Variants in MAGI2 observed in about 807,000 individuals in gnomAD.
MAGI2 encodes membrane associated guanylate kinase, WW and PDZ domain containing 2.
In MAGI2, 35 loss-of-function variants were observed where a neutral mutation model predicts 133.3. The observed-to-expected ratio is 0.26, with a 90% CI of 0.20 to 0.35. MAGI2 has a LOEUF of 0.35. MAGI2 is among the 10% of genes least tolerant of loss of function. The pLI, the probability that MAGI2 is intolerant of heterozygous loss-of-function variation, is 1.00. For synonymous variants in MAGI2, 729 were observed against 710.6 expected (o/e 1.03, Z -0.41); for missense variants, 1,636 against 1,863.4 (o/e 0.88, Z 2.25).
intron 9 of MAGI2, among the ~76,000 whole-genome samples, chr7:78,292,628 C>T (rs1165725724): frequency 2.0e-5 from 3 of 152,190 alleles, no homozygotes; most frequent in Non-Finnish European, 2.9e-5. Flanking sequence ...ATTGCCAAGA[C>T]AATCCTAAGT....
intron 6 of MAGI2, chr7:78,486,785 T>C (rs1793059975): frequency 4.8e-6 from 2 of 419,246 alleles, no homozygotes; most frequent in South Asian, 3.8e-5. Context: ...AAGTTTGAAA[T>C]TCCTATCATG....
intron 2 of MAGI2, among the ~76,000 whole-genome samples, chr7:78,956,991 C>T (rs564194398): frequency 1.2e-4 from 18 of 151,998 alleles, no homozygotes; most frequent in South Asian, 8.3e-4. Flanking sequence ...GGGTCAGGCG[C>T]GGTAGCTCAC....
chr7:78,209,893 G>T (rs2150797133), intron 10 of MAGI2, among the ~76,000 whole-genome samples: 1 of 152,234 alleles, frequency 6.6e-6, no homozygotes, highest in Non-Finnish European at 1.5e-5. Flanking sequence ...TAAGCCAGGT[G>T]TTTTTAACCA....
At chr7:78,617,015 A>T (rs536541174) in intron 3 of MAGI2, 1 of 152,308 alleles carries the variant, frequency 6.6e-6, no homozygotes, top group African/African-American at 2.4e-5. Flanking sequence ...GGTCAATTAT[A>T]AGTGCAATAA....
At chr7:78,249,038 TA>T (rs200642694) in intron 10 of MAGI2, among the ~76,000 whole-genome samples, 26 of 149,906 alleles carry the variant, frequency 1.7e-4, no homozygotes, top group East Asian at 1.4e-3. Context: ...AAAAAAATAA[TA>T]AAAAAAAAGT....
At chr7:79,170,424 C>G (rs1465316833) in intron 1 of MAGI2, among the ~76,000 whole-genome samples, 1 of 151,914 alleles carries the variant, frequency 6.6e-6, no homozygotes, top group Non-Finnish European at 1.5e-5. Context: ...GATCCTCCTG[C>G]CTCCACCTCC....
intron 20 of MAGI2, among the ~76,000 whole-genome samples, chr7:78,082,079 G>GTGGT (rs1816034216): frequency 6.6e-6 from 1 of 152,218 alleles, no homozygotes; most frequent in Non-Finnish European, 1.5e-5. Flanking sequence ...CTGCCGCCTT[G>GTGGT]TGGTTACTTG....
At chr7:78,295,445 T>C (rs567433973) in intron 9 of MAGI2, among the ~76,000 whole-genome samples, 43 of 152,224 alleles carry the variant, frequency 2.8e-4, no homozygotes, top group African/African-American at 9.4e-4. Context: ...ATAACCTCTA[T>C]TAAGTTTAAA....
At chr7:79,267,098 A>T (rs1200207241) in intron 1 of MAGI2, among the ~76,000 whole-genome samples, 1 of 152,128 alleles carries the variant, frequency 6.6e-6, no homozygotes, top group African/African-American at 2.4e-5. Flanking sequence ...GTATCGATTT[A>T]TGATTTTGCT....
chr7:78,984,508 G>A (rs534196291), intron 2 of MAGI2, among the ~76,000 whole-genome samples: 1 of 151,654 alleles, frequency 6.6e-6, no homozygotes, highest in East Asian at 2.0e-4. Flanking sequence ...CCTGTCTATT[G>A]TTTACACCCA....
intron 2 of MAGI2, among the ~76,000 whole-genome samples, chr7:78,954,281 T>C (rs1802115671): frequency 1.3e-5 from 2 of 152,114 alleles, no homozygotes; most frequent in Admixed American, 6.6e-5. Context: ...CATGTTTCTG[T>C]AATATGCTTC....
rs564260511 is a variant in MAGI2, at chr7:78,859,619, C to T, written c.418+147471G>A. Among the ~76,000 whole-genome samples the T allele has an allele frequency of 2.1e-3, 327 of 152,292 alleles. 3 individuals are homozygous for T. The highest frequency in any genetic ancestry group is 7.5e-3 in the African/African-American group (312 of 41,564). ...TCTGCTGAGAGATCCAGGGTTTGTC[C>T]AATGGGCTTCCCTTTGTGGGTAACC... On this transcript the variant is annotated intron_variant, in intron 2 of 21. Transcript: ENST00000354212.
intron 3 of MAGI2, among the ~76,000 whole-genome samples, chr7:78,624,789 A>C (rs916534606): frequency 1.3e-5 from 2 of 152,192 alleles, no homozygotes; most frequent in African/African-American, 4.8e-5. Context: ...AAGAAAAAAA[A>C]GTATAGCACA....
chr7:78,704,075 G>C (rs1040843268), intron 2 of MAGI2, among the ~76,000 whole-genome samples: 1 of 151,974 alleles, frequency 6.6e-6, no homozygotes, highest in African/African-American at 2.4e-5. Context: ...TGACAAATAG[G>C]ACCTAATTAA....
chr7:79,301,312 T>C (rs1837379642), intron 1 of MAGI2, among the ~76,000 whole-genome samples: 2 of 152,216 alleles, frequency 1.3e-5, no homozygotes, highest in Admixed American at 1.3e-4. Context: ...CCATGGGGAC[T>C]GCACCCTGTA....
chr7:78,999,762 A>G (rs987907956), intron 2 of MAGI2, among the ~76,000 whole-genome samples: 4 of 152,174 alleles, frequency 2.6e-5, no homozygotes, highest in Non-Finnish European at 5.9e-5. Flanking sequence ...ATGTCTCCCA[A>G]GAAATTAAGT....
chr7:78,334,654 G>T (rs1789565487), intron 9 of MAGI2, among the ~76,000 whole-genome samples: 1 of 152,194 alleles, frequency 6.6e-6, no homozygotes, highest in Non-Finnish European at 1.5e-5. Context: ...TGTTTGCAAA[G>T]CTGTACAGTA....
At chr7:78,292,326 A>G (rs1271251993) in intron 9 of MAGI2, among the ~76,000 whole-genome samples, 1 of 152,222 alleles carries the variant, frequency 6.6e-6, no homozygotes, top group African/African-American at 2.4e-5. Flanking sequence ...GTGAACTCCC[A>G]TTCACAACTG....
intron 1 of MAGI2, among the ~76,000 whole-genome samples, chr7:79,337,992 C>G (rs1158417174): frequency 6.6e-6 from 1 of 152,078 alleles, no homozygotes; most frequent in Admixed American, 6.6e-5. Context: ...GATTGAGCAG[C>G]AATGAACATA....
Sources: allele counts gnomAD v4.1 joint callset (sites outside exome capture counted in the v4.1 genomes callset), GRCh38; gene constraint gnomAD v4.1.1; transcripts MANE v1.5; gene names NCBI Gene and HGNC (gene_info 2026-07-23, HGNC 2026-07-21).